The following PARP8 variants were observed in gnomAD, a reference collection of about 807,000 sequenced individuals.
PARP8 encodes the protein poly(ADP-ribose) polymerase family member 8, also known as protein mono-ADP-ribosyltransferase PARP8.
In PARP8, 51 loss-of-function variants were observed where a neutral mutation model predicts 124.1. The ratio of observed to expected loss-of-function variants is 0.41; its 90% CI spans 0.33 to 0.52. The LOEUF is 0.52. Among genes scored for constraint, PARP8 ranks in the 20% least tolerant of loss-of-function variants. The pLI, the probability that PARP8 is intolerant of heterozygous loss-of-function variation, is 0.21. For missense variants in PARP8, 860 were observed against 1,018.9 expected (o/e 0.84, Z 2.12); for synonymous variants, 391 against 361.5 (o/e 1.08, Z -0.93).
chr5:50,733,326 A>C (rs1423554013), intron 2 of PARP8, among the ~76,000 whole-genome samples: 1 of 152,064 alleles, frequency 6.6e-6, no homozygotes, highest in African/African-American at 2.4e-5. Flanking sequence ...TAAATGGGCG[A>C]AAAACTTGCT....
chr5:50,718,442 TGTGTGTGTATAC>T (rs1755540324), intron 2 of PARP8, among the ~76,000 whole-genome samples: 1 of 151,922 alleles, frequency 6.6e-6, no homozygotes, highest in Non-Finnish European at 1.5e-5. Context: ...TGTGTGTATG[TGTGTGTGTATAC>T]GTGTGTGTAT....
At chr5:50,807,053 T>G (rs1215589793) in intron 14 of PARP8, among the ~76,000 whole-genome samples, 13 of 151,852 alleles carry the variant, frequency 8.6e-5, no homozygotes, top group Non-Finnish European at 1.5e-5. Context: ...TTGTTAGATC[T>G]CGCTTTCCAA....
intron 2 of PARP8, among the ~76,000 whole-genome samples, chr5:50,672,368 GAATGA>G (rs1327536730): frequency 7.2e-5 from 11 of 152,188 alleles, no homozygotes; most frequent in African/African-American, 2.7e-4. Flanking sequence ...AGTAGGTGTT[GAATGA>G]CTTACAAAAT....
intron 2 of PARP8, among the ~76,000 whole-genome samples, chr5:50,741,276 C>G (rs531834655): frequency 2.0e-5 from 3 of 152,070 alleles, no homozygotes; most frequent in South Asian, 2.1e-4. Context: ...ATGACATGCT[C>G]TATCTACTAT....
chr5:50,745,003 T>C, intron 2 of PARP8: 1 of 472,896 alleles, frequency 2.1e-6, no homozygotes, highest in Non-Finnish European at 3.8e-6. Context: ...TCCATGTCTG[T>C]TTGTACTAGA....
At chr5:50,704,614 C>CGTGT (rs1753941943) in intron 2 of PARP8, among the ~76,000 whole-genome samples, 1 of 152,090 alleles carries the variant, frequency 6.6e-6, no homozygotes, top group Non-Finnish European at 1.5e-5. Context: ...TGTTAAAGTA[C>CGTGT]ACACTGGATT....
rs190379486 is a variant in PARP8 at position 50,750,710 on chromosome 5, G to A, written c.184+522G>A. Among the ~76,000 whole-genome samples the A allele has an allele frequency of 2.6e-5, 4 of 152,046 alleles. No individual in the cohort carries two copies. In the East Asian group the frequency reaches 7.7e-4, roughly 29 times the overall value. ...AAGCATTTAACCATTTTATAAGATC[G>A]TTACATTTGAAAATACTTTCTTAAA... On this transcript the variant is annotated intron_variant, in intron 3 of 25. Transcript: ENST00000281631.
chr5:50,809,042 G>C (rs1422254549), intron 14 of PARP8, among the ~76,000 whole-genome samples: 1 of 151,884 alleles, frequency 6.6e-6, no homozygotes, highest in African/African-American at 2.4e-5. Flanking sequence ...AATCCAAACT[G>C]AATAGAAATT....
chr5:50,789,016 A>G (rs1213060222), intron 10 of PARP8, among the ~76,000 whole-genome samples: 2 of 152,212 alleles, frequency 1.3e-5, no homozygotes, highest in African/African-American at 2.4e-5. Flanking sequence ...TGCAACGTGT[A>G]CATGACTTTC....
intron 24 of PARP8, 131 bp from the exon 25 acceptor site, chr5:50,834,800 A>G (rs774553842): frequency 9.0e-5 from 69 of 770,698 alleles, no homozygotes; most frequent in Non-Finnish European, 1.5e-4. Flanking sequence ...ATAAGGCTAA[A>G]CAATTTTTAT....
At chr5:50,708,539 T>C (rs982862331) in intron 2 of PARP8, among the ~76,000 whole-genome samples, 1 of 152,114 alleles carries the variant, frequency 6.6e-6, no homozygotes, top group Admixed American at 6.6e-5. Flanking sequence ...ATTTTGAAGA[T>C]TGCTCAATAT....
chr5:50,835,566 A>C (rs1747488733), intron 25 of PARP8, among the ~76,000 whole-genome samples: 1 of 151,942 alleles, frequency 6.6e-6, no homozygotes, highest in African/African-American at 2.4e-5. Context: ...AAAGAAAAAC[A>C]CCATCTCTGT....
chr5:50,833,632 T>C (rs1327775168), intron 23 of PARP8, among the ~76,000 whole-genome samples: 1 of 152,150 alleles, frequency 6.6e-6, no homozygotes, highest in East Asian at 1.9e-4. Flanking sequence ...ATAATTGATT[T>C]TGATGTTTGA....
chr5:50,766,386 A>G (rs188122869), intron 7 of PARP8, among the ~76,000 whole-genome samples: 3 of 152,316 alleles, frequency 2.0e-5, no homozygotes, highest in East Asian at 3.9e-4. Context: ...GTACCTCCCT[A>G]TATATTTATG....
At chr5:50,751,688 G>A (rs1446369256) in intron 3 of PARP8, among the ~76,000 whole-genome samples, 2 of 152,118 alleles carry the variant, frequency 1.3e-5, no homozygotes, top group African/African-American at 2.4e-5. Flanking sequence ...TTCATACTTA[G>A]AGAAGTGTGC....
chr5:50,669,726 T>A (rs1249236899), intron 2 of PARP8, among the ~76,000 whole-genome samples: 2 of 152,152 alleles, frequency 1.3e-5, no homozygotes, highest in African/African-American at 4.8e-5. Flanking sequence ...CGAGATAACA[T>A]CAGTTTTCAC....
rs546803156 is a variant in PARP8, at chr5:50,770,539, AAG to A, written c.518+7310_518+7311del. On this transcript the variant is annotated intron_variant, in intron 7 of 25. Transcript: ENST00000281631. Reference sequence around the variant, plus strand: ...AAGGGTTGGAGAAAGAAAAGAGAGAAAGAGAGAGAGAGAGCAAGAGAGAAGAA... The same window carrying A: ...AAGGGTTGGAGAAAGAAAAGAGAGAAAGAGAGAGAGAGCAAGAGAGAAGAA... Among the ~76,000 whole-genome samples the A allele has an allele frequency of 1.4e-3, 206 of 151,404 alleles. 1 individual carries two copies. The highest frequency in any genetic ancestry group is 4.9e-3 in the African/African-American group (203 of 41,314).
At chr5:50,754,202 C>CT (rs1232188508) in intron 3 of PARP8, among the ~76,000 whole-genome samples, 2 of 135,424 alleles carry the variant, frequency 1.5e-5, no homozygotes, top group African/African-American at 3.0e-5. Context: ...TTTTATTATA[C>CT]TTTAAGTTCT....
chr5:50,833,983 A>G lies in PARP8; in HGVS notation c.2312A>G (p.Gln771Arg). ...TTAATTGTTTTTGGAATTTAGTCAC[A>G]GAAAAAAGGACAGCAATCCCAATTC... ...SSKSSNTSQS[Q>R]KKGQQSQFLQ... The change falls in exon 24 of 26, where the codon CAG (glutamine) becomes CGG (arginine). Residue 771 changes from glutamine (Q) to arginine (R), a missense_variant. Around this residue, in one of 2 missense-constraint regions of PARP8, gnomAD observed 343 missense variants for 474.7 expected, o/e 0.72. Transcript: ENST00000281631. 1 of 1,611,862 alleles carries G rather than the reference A, an allele frequency of 6.2e-7. No homozygotes were observed. The highest frequency in any genetic ancestry group is 8.5e-7 in the Non-Finnish European group (1 of 1,178,458).
Sources: gnomAD v4.1 joint callset for allele counts (sites outside exome capture counted in the v4.1 genomes callset) on GRCh38, gnomAD v4.1.1 for gene constraint, gnomAD v4.1.1 regional missense constraint, MANE v1.5 for transcripts, NCBI Gene and HGNC (gene_info 2026-07-23, HGNC 2026-07-21) for gene names.